A4GALT: variants seen among roughly 807,000 people sequenced by gnomAD.
A4GALT encodes alpha 1,4-galactosyltransferase (P1PK blood group).
For missense variants in A4GALT, 512 were observed against 486.0 expected, an observed-to-expected ratio of 1.05 and a Z score of -0.50; for synonymous variants, 257 against 220.7, an observed-to-expected ratio of 1.16 and a Z score of -1.46.
chr22:42,716,629 G>A (rs1922204239), intron 1 of A4GALT, among the ~76,000 whole-genome samples: 1 of 152,106 alleles, frequency 6.6e-6, no homozygotes, highest in Non-Finnish European at 1.5e-5. Flanking sequence ...CTGTGGCCCA[G>A]CCTCATTTGC....
intron 1 of A4GALT, among the ~76,000 whole-genome samples, chr22:42,702,335 ACT>A (rs1267219336): frequency 7.8e-6 from 1 of 128,624 alleles, no homozygotes; most frequent in Non-Finnish European, 1.6e-5. Context: ...AGAGGAACAC[ACT>A]CTTTTTTTTT....
At chr22:42,704,418 C>T (rs537805088) in intron 1 of A4GALT, among the ~76,000 whole-genome samples, 47 of 151,814 alleles carry the variant, frequency 3.1e-4, no homozygotes, top group Middle Eastern at 6.8e-3. Flanking sequence ...ACCTGGTAGG[C>T]GGAGATTGCA....
At chr22:42,703,621 AG>A (rs1920944449) in intron 1 of A4GALT, among the ~76,000 whole-genome samples, 1 of 152,136 alleles carries the variant, frequency 6.6e-6, no homozygotes, top group African/African-American at 2.4e-5. Context: ...CCCACTCAGC[AG>A]TGATGTCGGG....
At chr22:42,714,182 G>T (rs1231091569) in intron 1 of A4GALT, among the ~76,000 whole-genome samples, 2 of 149,876 alleles carry the variant, frequency 1.3e-5, no homozygotes, top group African/African-American at 4.9e-5. Flanking sequence ...AACTGAGGTG[G>T]GAGGACTGCG....
At chr22:42,698,939 G>T (rs28916569) in intron 1 of A4GALT, among the ~76,000 whole-genome samples, 5 of 151,940 alleles carry the variant, frequency 3.3e-5, no homozygotes, top group Non-Finnish European at 5.9e-5. Context: ...AAATGCCATC[G>T]CAACGTCAGG....
At chr22:42,711,243 G>A (rs1921666088) in intron 1 of A4GALT, among the ~76,000 whole-genome samples, 1 of 152,132 alleles carries the variant, frequency 6.6e-6, no homozygotes, top group Admixed American at 6.6e-5. Flanking sequence ...AATGCAAATG[G>A]ACATACTCAG....
chr22:42,718,708 C>T (rs938309741), intron 1 of A4GALT: 4 of 150,294 alleles, frequency 2.7e-5, no homozygotes, highest in Admixed American at 2.6e-4. Context: ...TGCTAGGTGC[C>T]AGGCCTGGCA....
chr22:42,708,119 G>A (rs1921318603), intron 1 of A4GALT, among the ~76,000 whole-genome samples: 1 of 151,670 alleles, frequency 6.6e-6, no homozygotes, highest in East Asian at 1.9e-4. Flanking sequence ...CGGGTGTGGT[G>A]GCACCTACCT....
chr22:42,699,460 G>A (rs781276082), intron 1 of A4GALT, among the ~76,000 whole-genome samples: 5 of 152,140 alleles, frequency 3.3e-5, no homozygotes, highest in Non-Finnish European at 5.9e-5. Flanking sequence ...CCTGGTGTGA[G>A]TGGCCACGAC....
chr22:42,719,384 G>A (rs1022511719), intron 1 of A4GALT, among the ~76,000 whole-genome samples: 1 of 152,172 alleles, frequency 6.6e-6, no homozygotes, highest in African/African-American at 2.4e-5. Context: ...GATCGCTTGA[G>A]CCTAGCAGTT....
Position 42,693,385 on chromosome 22 carries a change from G to A in A4GALT, c.567C>T (p.Ile189=), listed in dbSNP as rs1168344343. ...GAACAATGAAGTCCGTGTCCAGGTA[G>A]ATGCCGCCGAACTTCCACATGAGTG... ...RIALMWKFGG[I]YLDTDFIVLK... is the part of the protein sequence containing the mutation. The change falls in exon 3 of 3, where the codon ATC becomes ATT. Residue 189 remains isoleucine, a synonymous_variant. Transcript: ENST00000642412. 9.9e-6 allele frequency: 16 copies of A among 1,613,368 alleles called. No individual in the cohort carries two copies. The highest frequency in any genetic ancestry group is 1.4e-5 in the Non-Finnish European group (16 of 1,180,008).
At chr22:42,712,211 TGGCTGGGTGG>T (rs899897040) in intron 1 of A4GALT, among the ~76,000 whole-genome samples, 1 of 152,208 alleles carries the variant, frequency 6.6e-6, no homozygotes, top group African/African-American at 2.4e-5. Flanking sequence ...AAGCTGGATC[TGGCTGGGTGG>T]GGCTGGCTTC....
intron 1 of A4GALT, among the ~76,000 whole-genome samples, chr22:42,710,147 G>A (rs758051503): frequency 6.6e-6 from 1 of 152,108 alleles, no homozygotes; most frequent in Non-Finnish European, 1.5e-5. Flanking sequence ...TATACTGGGT[G>A]TATTTATCAG....
intron 1 of A4GALT, among the ~76,000 whole-genome samples, chr22:42,695,972 A>C (rs1483513598): frequency 3.9e-5 from 6 of 151,910 alleles, no homozygotes; most frequent in Non-Finnish European, 7.4e-5. Flanking sequence ...AAAATACAAA[A>C]ATTAGCCAGG....
chr22:42,693,750 T>TGGGGGGCGGGGGGGGGGGGGGGGG lies in A4GALT; in HGVS notation c.201_202insCCCCCCCCCCCCCCCCCGCCCCCC (p.Pro67_Thr68insProProProProProProProPro). The TGGGGGGCGGGGGGGGGGGGGGGGG allele has an allele frequency of 2.6e-6, 1 of 391,358 alleles. No individual in the cohort carries two copies. The highest frequency in any genetic ancestry group is 4.3e-6 in the Non-Finnish European group (1 of 232,022). 24.2% of individuals were successfully genotyped at this position (391,358 alleles called of 1,614,324 possible). On this transcript the variant is annotated inframe_insertion, in exon 3 of 3. Transcript: ENST00000642412. ...GGAGTGGGGCCGTGGGAGGGTGGGG[T>TGGGGGGCGGGGGGGGGGGGGGGGG]GGGGGGTGTCAAGGTGGGGCAGGGG...
rs1187377120 is a variant in A4GALT at position 42,692,828 on chromosome 22, C to T, written c.*62G>A. On this transcript the variant is annotated 3_prime_UTR_variant, in exon 3 of 3. Transcript: ENST00000642412. The surrounding 1 kb of genome is among the most constrained non-coding windows in gnomAD (Gnocchi z 4.6). The stretch of plus-strand genomic sequence containing the variant: ...TCTCCCGGGCCCTCAATCTTGCCTC[C>T]CCGGGAAGGGCGGCCCAGTGCCCCA... The T allele has an allele frequency of 1.7e-5, 27 of 1,589,368 alleles. No homozygotes were observed. The highest frequency in any genetic ancestry group is 2.3e-5 in the Non-Finnish European group (27 of 1,172,556).
Position 42,692,864 on chromosome 22 carries a change from G to T in A4GALT, c.*26C>A, listed in dbSNP as rs1930548288. The T allele has an allele frequency of 1.9e-6, 3 of 1,598,432 alleles. 1 individual carries two copies. In the South Asian group the frequency reaches 3.3e-5, roughly 18 times the overall value. ...CGGCCCAGTGCCCCATCAGGAGCAG[G>T]TTGGGGAGGTGACCTGGCGGGCCCC... is the stretch of plus-strand genomic sequence containing the variant. On this transcript the variant is annotated 3_prime_UTR_variant, in exon 3 of 3. Coordinates refer to ENST00000642412, the MANE Select transcript of A4GALT (RefSeq NM_017436.7). This position sits in a 1 kb window ranked among gnomAD's most constrained non-coding sequence, Gnocchi z 4.6.
chr22:42,693,391 G>T lies in A4GALT; in HGVS notation c.561C>A (p.Gly187=). The T allele has an allele frequency of 6.2e-7, 1 of 1,613,338 alleles. No homozygotes were observed. The highest frequency in any genetic ancestry group is 8.5e-7 in the Non-Finnish European group (1 of 1,179,996). ...TGAAGTCCGTGTCCAGGTAGATGCC[G>T]CCGAACTTCCACATGAGTGCGATCC... The part of the protein sequence containing the change: ...ASRIALMWKF[G]GIYLDTDFIV... Residue 187 remains glycine, a synonymous_variant, in exon 3 of 3, where the codon GGC becomes GGA. Transcript: ENST00000642412.
chr22:42,703,389 G>C (rs1269279387), intron 1 of A4GALT, among the ~76,000 whole-genome samples: 1 of 151,684 alleles, frequency 6.6e-6, no homozygotes, highest in African/African-American at 2.4e-5. Context: ...CCGAGTAGCT[G>C]GGATTATAGG....
Sources: gnomAD v4.1 joint callset for allele counts (sites outside exome capture counted in the v4.1 genomes callset) on GRCh38, gnomAD v4.1.1 for gene constraint, Gnocchi (gnomAD v3.1) non-coding constraint, MANE v1.5 for transcripts, NCBI Gene and HGNC (gene_info 2026-07-23, HGNC 2026-07-21) for gene names.